OR2A14: variants seen among roughly 807,000 people sequenced by gnomAD.
OR2A14 encodes the protein olfactory receptor family 2 subfamily A member 14.
Under a neutral mutation model 2.4 loss-of-function variants are expected in OR2A14, and 2 were observed. That is an observed-to-expected ratio of 0.85 (90% CI 0.35 to 2.67). The LOEUF is 2.67. OR2A14 is among the 30% of genes most tolerant of loss of function. The pLI is 0.10. For missense variants in OR2A14, 390 were observed against 379.4 expected (o/e 1.03, Z -0.23); for synonymous variants, 160 against 156.3 (o/e 1.02, Z -0.18).
rs2051507421 is a variant in OR2A14, at chr7:144,129,193, T to C, written c.81T>C (p.Cys27=). The C allele has an allele frequency of 1.9e-6, 3 of 1,613,080 alleles. No homozygotes were observed. The highest frequency in any genetic ancestry group is 1.4e-5 in the African/African-American group (1 of 74,020). The change falls in exon 2 of 2, where the codon TGT becomes TGC. Residue 27 remains cysteine (C), a synonymous_variant. Transcript: ENST00000641068. ...GTCCAGCACTGGAGATTCTCCTCTG[T>C]GGACTTTTCTCTGCCTTCTATACAC... is the stretch of plus-strand genomic sequence containing the variant. The part of the protein sequence containing the change: ...QVGPALEILL[C]GLFSAFYTLT...
At position 144,129,235 on chromosome 7, in the gene OR2A14, T is replaced by TG. The variant is rs780707337; in HGVS notation, c.127dup (p.Val43GlyfsTer11). ...TCTATACACTCACCCTGCTGGGGAA[T>TG]GGGGTCATCTTTGGGATTATCTGCC... On this transcript the variant is annotated frameshift_variant, in exon 2 of 2. Coordinates refer to ENST00000641068, the MANE Select transcript of OR2A14 (RefSeq NM_001001659.3). LOFTEE classifies it low-confidence loss of function (END_TRUNC). The TG allele has an allele frequency of 1.2e-5, 20 of 1,613,924 alleles. No individual in the cohort carries two copies. Among genetic ancestry groups the TG allele is most frequent in the Middle Eastern group, 1.6e-4 (1 of 6,084 alleles).
chr7:144,128,693 C>T lies in OR2A14; in HGVS notation c.-34-386C>T, dbSNP rs188235896. ...AGGAAGCAGGATGAGCAAGTGAAAC[C>T]ACCTCATAATGCAACATTTGTCAAG... On this transcript the variant is annotated intron_variant, in intron 1 of 1. Coordinates refer to ENST00000641068, the MANE Select transcript of OR2A14 (RefSeq NM_001001659.3). Among the ~76,000 whole-genome samples, 119 of 152,246 alleles carry T rather than the reference C, an allele frequency of 7.8e-4. 1 individual carries two copies. The highest frequency in any genetic ancestry group is 6.8e-3 in the Middle Eastern group (2 of 294).
At position 144,129,736 on chromosome 7, in the gene OR2A14, G is replaced by T. The variant is rs148420009; in HGVS notation, c.624G>T (p.Gly208=). Residue 208 remains glycine (G), a synonymous_variant, in exon 2 of 2, where the codon GGG becomes GGT. Transcript: ENST00000641068. ...IFAACVFILV[G]PLCLVLVSYL... is the part of the protein sequence containing the mutation. ...CAGCCTGCGTGTTCATCCTGGTGGG[G>T]CCACTCTGCCTGGTGCTGGTCTCCT... is the stretch of plus-strand genomic sequence containing the variant. 7 of 1,613,992 alleles carry T rather than the reference G, an allele frequency of 4.3e-6. No individual in the cohort carries two copies. Among genetic ancestry groups the T allele is most frequent in the Non-Finnish European group, 5.9e-6 (7 of 1,180,032 alleles).
intron 1 of OR2A14, among the ~76,000 whole-genome samples, chr7:144,125,315 C>G (rs1051484493): frequency 2.0e-5 from 3 of 152,082 alleles, no homozygotes; most frequent in Admixed American, 2.0e-4. Context: ...AAAAATGTAT[C>G]CATGCAGTTT....
intron 1 of OR2A14, among the ~76,000 whole-genome samples, chr7:144,123,525 T>C (rs1170105725): frequency 1.3e-5 from 2 of 152,214 alleles, no homozygotes; most frequent in Non-Finnish European, 2.9e-5. Flanking sequence ...TGGCAGCTCC[T>C]GGCTTTGTCA....
At position 144,129,968 on chromosome 7, in the gene OR2A14, C is replaced by G; in HGVS notation, c.856C>G (p.Pro286Ala). The G allele has an allele frequency of 2.5e-6, 4 of 1,614,154 alleles. No homozygotes were observed. The South Asian group carries it at 4.4e-5, about 18-fold the overall frequency. The change falls in exon 2 of 2, where the codon CCC (proline) becomes GCC (alanine). Residue 286 changes from proline to alanine, a missense_variant. Pro to Ala is a conservative substitution (Grantham distance 27, BLOSUM62 -1). Transcript: ENST00000641068. The part of the protein sequence containing the change: ...FYSLFNPMLN[P>A]LIYSLRNAEV... ...CAGCCTTTTCAATCCAATGCTGAAC[C>G]CCCTGATATATAGCCTAAGGAATGC...
chr7:144,129,741 T>C lies in OR2A14; in HGVS notation c.629T>C (p.Leu210Pro). The C allele has an allele frequency of 6.2e-7, 1 of 1,614,046 alleles. No homozygotes were observed. Among genetic ancestry groups the C allele is most frequent in the South Asian group, 1.1e-5 (1 of 91,064 alleles). Residue 210 changes from leucine to proline, a missense_variant, in exon 2 of 2, where the codon CTC (leucine) becomes CCC (proline). Leu to Pro is a moderately conservative substitution (Grantham distance 98). Transcript: ENST00000641068. The part of the protein sequence containing the change: ...AACVFILVGP[L>P]CLVLVSYLRI... Reference sequence around the variant, plus strand: ...TGCGTGTTCATCCTGGTGGGGCCACTCTGCCTGGTGCTGGTCTCCTACTTG... The same window carrying C: ...TGCGTGTTCATCCTGGTGGGGCCACCCTGCCTGGTGCTGGTCTCCTACTTG...
rs1206707199 is a variant in OR2A14, at chr7:144,129,525, G to A, written c.413G>A (p.Arg138Lys). Residue 138 changes from arginine to lysine, a missense_variant, in exon 2 of 2, where the codon AGA (arginine) becomes AAA (lysine). Transcript: ENST00000641068. ...CGTTACAATAGCCTCATGAGCTGGA[G>A]AGTGTGCACTGTCCTGGCTGTGGCT... Reference protein sequence around the residue: ...PLRYNSLMSWRVCTVLAVASW... With the variant: ...PLRYNSLMSWKVCTVLAVASW... 4 of 1,614,038 alleles carry A rather than the reference G, an allele frequency of 2.5e-6. No individual in the cohort carries two copies. The highest frequency in any genetic ancestry group is 3.4e-6 in the Non-Finnish European group (4 of 1,180,006).
rs199642567 is a variant in OR2A14, at chr7:144,129,768, G to C, written c.656G>C (p.Arg219Pro). ...PLCLVLVSYL[R>P]ILAAILRIQS... Reference sequence around the variant, plus strand: ...TGCCTGGTGCTGGTCTCCTACTTGCGCATCCTGGCCGCCATCTTGAGGATC... The same window carrying C: ...TGCCTGGTGCTGGTCTCCTACTTGCCCATCCTGGCCGCCATCTTGAGGATC... Residue 219 changes from arginine (R) to proline (P), a missense_variant, in exon 2 of 2, where the codon CGC becomes CCC. Coordinates refer to ENST00000641068, the MANE Select transcript of OR2A14 (RefSeq NM_001001659.3). The C allele has an allele frequency of 2.2e-5, 35 of 1,613,844 alleles. No individual in the cohort carries two copies. The highest frequency in any genetic ancestry group is 3.4e-4 in the Middle Eastern group (2 of 5,928).
At position 144,129,471 on chromosome 7, in the gene OR2A14, A is replaced by T; in HGVS notation, c.359A>T (p.Asp120Val). 3 of 1,614,056 alleles carry T rather than the reference A, an allele frequency of 1.9e-6. No homozygotes were observed. The highest frequency in any genetic ancestry group is 2.5e-6 in the Non-Finnish European group (3 of 1,179,952). The part of the protein sequence containing the change: ...ECLILVVMSY[D>V]RYADICHPLR... ...CTGATTTTGGTGGTGATGTCCTATG[A>T]TCGCTATGCGGACATCTGCCACCCC... is the stretch of plus-strand genomic sequence containing the variant. The change falls in exon 2 of 2, where the codon GAT becomes GTT. Residue 120 changes from aspartate (D) to valine (V), a missense_variant. By Grantham distance (152) the Asp-to-Val change is radical. Coordinates refer to ENST00000641068, the MANE Select transcript of OR2A14 (RefSeq NM_001001659.3).
chr7:144,127,283 G>A (rs1186219065), intron 1 of OR2A14, among the ~76,000 whole-genome samples: 1 of 152,192 alleles, frequency 6.6e-6, no homozygotes, highest in Non-Finnish European at 1.5e-5. Flanking sequence ...GAAAGTAACA[G>A]AGATTGTAAT....
chr7:144,124,450 G>T (rs907676577), intron 1 of OR2A14, among the ~76,000 whole-genome samples: 1 of 103,490 alleles, frequency 9.7e-6, no homozygotes, highest in Admixed American at 1.4e-4. Flanking sequence ...CAACAAGAGC[G>T]AAACTCCGTC....
Position 144,129,634 on chromosome 7 carries a change from C to T in OR2A14, c.522C>T (p.Asn174=). The change falls in exon 2 of 2, where the codon AAC becomes AAT. Residue 174 remains asparagine (N), a synonymous_variant. Transcript: ENST00000641068. The part of the protein sequence containing the change: ...SLPFCGPHEI[N]HFFCEILSVL... Reference sequence around the variant, plus strand: ...CCTTCTGCGGGCCTCATGAAATCAACCACTTCTTCTGTGAAATCCTGTCTG... The same window carrying T: ...CCTTCTGCGGGCCTCATGAAATCAATCACTTCTTCTGTGAAATCCTGTCTG... 6.4e-7 allele frequency: 1 copy of T among 1,568,560 alleles called. No homozygotes were observed. Among genetic ancestry groups the T allele is most frequent in the Non-Finnish European group, 8.6e-7 (1 of 1,160,616 alleles).
intron 1 of OR2A14, among the ~76,000 whole-genome samples, chr7:144,125,180 C>T (rs2051473736): frequency 1.3e-5 from 2 of 152,192 alleles, no homozygotes; most frequent in Admixed American, 6.5e-5. Flanking sequence ...GCGTCATGTT[C>T]ATTGCTCAGA....
chr7:144,129,577 T>G lies in OR2A14; in HGVS notation c.465T>G (p.Ala155=). ...VASWVFSFLL[A]LVPLVLILSL... Reference sequence around the variant, plus strand: ...CCTGGGTGTTCAGCTTCCTCCTGGCTCTGGTCCCTTTAGTTCTCATCCTGA... The same window carrying G: ...CCTGGGTGTTCAGCTTCCTCCTGGCGCTGGTCCCTTTAGTTCTCATCCTGA... Residue 155 remains alanine, a synonymous_variant, in exon 2 of 2, where the codon GCT becomes GCG. Transcript: ENST00000641068. The G allele has an allele frequency of 6.2e-7, 1 of 1,614,126 alleles. No individual in the cohort carries two copies. The highest frequency in any genetic ancestry group is 8.5e-7 in the Non-Finnish European group (1 of 1,180,002).
At chr7:144,129,034 A>ATAAT in intron 1 of OR2A14, 45 bp from the exon 2 acceptor site, 2 of 1,135,940 alleles carry the variant, frequency 1.8e-6, no homozygotes, top group Non-Finnish European at 2.5e-6. Context: ...ATTCAAAGTT[A>ATAAT]TAATTTCTAA....
rs776312245 is a variant in OR2A14, at chr7:144,130,007, G to A, written c.895G>A (p.Ala299Thr). The change falls in exon 2 of 2, where the codon GCC becomes ACC. Residue 299 changes from alanine to threonine, a missense_variant. By Grantham distance (58) the Ala-to-Thr change is moderately conservative. Transcript: ENST00000641068. ...CCTAAGGAATGCAGAGGTCAAGGGC[G>A]CCCTGAGGAGGGCACTGAGGAAGGA... Reference protein sequence around the residue: ...YSLRNAEVKGALRRALRKERL... With the variant: ...YSLRNAEVKGTLRRALRKERL... The A allele has an allele frequency of 5.6e-6, 9 of 1,613,822 alleles. No individual in the cohort carries two copies. Among genetic ancestry groups the A allele is most frequent in the Non-Finnish European group, 8.5e-7 (1 of 1,179,768 alleles).
chr7:144,130,108 T>TGC lies in OR2A14; in HGVS notation c.*63_*64insGC, dbSNP rs2051521290. ...CCCTGCAAAATATAGAAGTTGGCTTTTTTTTTTTGTCTTCTGCTAGAATAA... is the reference window on the plus strand; with the variant it reads ...CCCTGCAAAATATAGAAGTTGGCTTTGCTTTTTTTTGTCTTCTGCTAGAATAA... On this transcript the variant is annotated 3_prime_UTR_variant, in exon 2 of 2. Transcript: ENST00000641068. 1 of 1,300,302 alleles carries TGC rather than the reference T, an allele frequency of 7.7e-7. No individual in the cohort carries two copies. The highest frequency in any genetic ancestry group is 1.5e-5 in the African/African-American group (1 of 67,010). 80.5% of individuals were successfully genotyped at this position (1,300,302 alleles called of 1,614,324 possible). A position where few individuals can be genotyped will look rare whatever the true frequency, so the allele number is the denominator to read the frequency against.
intron 1 of OR2A14, 36 bp from the exon 2 acceptor site, chr7:144,129,043 A>C: frequency 3.3e-6 from 4 of 1,203,670 alleles, no homozygotes; most frequent in Non-Finnish European, 4.7e-6. Context: ...TATAATTTCT[A>C]AGTGCTCCCT....
Sources: gnomAD v4.1 joint callset for allele counts (sites outside exome capture counted in the v4.1 genomes callset) on GRCh38, gnomAD v4.1.1 for gene constraint, MANE v1.5 for transcripts, NCBI Gene and HGNC (gene_info 2026-07-23, HGNC 2026-07-21) for gene names.